The following GTF2I variants were observed in gnomAD, a reference collection of about 807,000 sequenced individuals.
The protein encoded by GTF2I is general transcription factor II-I.
A neutral mutation model predicts 67.6 loss-of-function variants in GTF2I; 12 were observed. The ratio of observed to expected loss-of-function variants is 0.18; its 90% CI spans 0.11 to 0.29. The LOEUF (loss-of-function observed/expected upper bound fraction) is 0.29. Ranked by LOEUF, GTF2I falls within the 10% of genes least tolerant of loss-of-function variation. The pLI is 1.00. For missense variants in GTF2I, 271 were observed against 580.1 expected, an observed-to-expected ratio of 0.47 and a Z score of 5.47; for synonymous variants, 149 against 197.0, an observed-to-expected ratio of 0.76 and a Z score of 2.04.
chr7:74,694,329 G>A (rs782159777), intron 3 of GTF2I, among the ~76,000 whole-genome samples: 1 of 152,214 alleles, frequency 6.6e-6, no homozygotes, highest in Non-Finnish European at 1.5e-5. Flanking sequence ...GCTCACGCCT[G>A]TAATCCCAGC....
At chr7:74,697,263 C>T (rs587662215) in intron 3 of GTF2I, among the ~76,000 whole-genome samples, 103 of 151,882 alleles carry the variant, frequency 6.8e-4, no homozygotes, top group African/African-American at 2.4e-3. Flanking sequence ...GGAGTGGTGG[C>T]GCGCACCTGT....
Position 74,698,978 on chromosome 7 carries a change from A to G in GTF2I, c.256A>G (p.Lys86Glu). ...FVKYCVEEEE[K>E]AAEMHKMKST... ...TTTTACAGGTGTTGAAGAAGAAGAAAAAGCTGCAGAGATGCATAAAATGAA... is the reference window on the plus strand; with the variant it reads ...TTTTACAGGTGTTGAAGAAGAAGAAGAAGCTGCAGAGATGCATAAAATGAA... Residue 86 changes from lysine (K) to glutamate (E), a missense_variant, in exon 4 of 35, where the codon AAA becomes GAA. Lys to Glu is a moderately conservative substitution (Grantham distance 56, BLOSUM62 1). This residue lies in a region of GTF2I where 72 missense variants were observed against 87.4 expected (regional missense o/e 0.82). Transcript: ENST00000573035. 1 of 1,411,364 alleles carries G rather than the reference A, an allele frequency of 7.1e-7. No homozygotes were observed. The highest frequency in any genetic ancestry group is 9.4e-7 in the Non-Finnish European group (1 of 1,064,952). The allele number at this position is 1,411,364 out of a possible 1,614,324, so 87.4% of individuals were successfully genotyped here. A position where few individuals can be genotyped will look rare whatever the true frequency, so the allele number is the denominator to read the frequency against.
chr7:74,689,643 T>C (rs1474152855), intron 2 of GTF2I, among the ~76,000 whole-genome samples: 1 of 151,820 alleles, frequency 6.6e-6, no homozygotes, highest in African/African-American at 2.4e-5. Context: ...TGTGAACCAC[T>C]GCCCCAACCA....
intron 6 of GTF2I, among the ~76,000 whole-genome samples, chr7:74,704,855 T>TAAAAAA (rs35715710): frequency 1.3e-5 from 1 of 76,958 alleles, no homozygotes; most frequent in Non-Finnish European, 2.3e-5. Context: ...ACCCTGTTTC[T>TAAAAAA]AAAAAAAAAA....
At chr7:74,676,937 T>C (rs1393909933) in intron 1 of GTF2I, among the ~76,000 whole-genome samples, 3 of 152,170 alleles carry the variant, frequency 2.0e-5, no homozygotes, top group South Asian at 2.1e-4. Context: ...CAGGTGCCTG[T>C]AATCCCAGCT....
intron 6 of GTF2I, among the ~76,000 whole-genome samples, chr7:74,704,284 A>ATTTT (rs1790281503): frequency 6.7e-6 from 1 of 149,182 alleles, no homozygotes; most frequent in African/African-American, 2.5e-5. Flanking sequence ...TTATTTATTT[A>ATTTT]TTTATTTATT....
intron 1 of GTF2I, among the ~76,000 whole-genome samples, chr7:74,677,781 CAA>C (rs67938540): frequency 5.5e-5 from 4 of 72,148 alleles, no homozygotes; most frequent in Non-Finnish European, 7.2e-5. Context: ...GATTCTGTCT[CAA>C]AAAAAAAAAA....
intron 1 of GTF2I, among the ~76,000 whole-genome samples, chr7:74,659,621 C>G (rs1328827289): frequency 6.6e-6 from 1 of 152,076 alleles, no homozygotes; most frequent in Non-Finnish European, 1.5e-5. Flanking sequence ...ACTCTTGAAT[C>G]AAGCTGAAAG....
In GTF2I at chr7:74,710,324, ATTTCTT is replaced by A. The variant is rs1791371641; in HGVS notation, c.686-698_686-693del. ...GTGTATGTGCACCCATGCATTGTTC[ATTTCTT>A]TTTCTTTTTTTTTGAGAGGGAGTCT... is the stretch of plus-strand genomic sequence containing the variant. On this transcript the variant is annotated intron_variant, in intron 8 of 34. Transcript: ENST00000573035. Among the ~76,000 whole-genome samples, 5 of 151,528 alleles carry A rather than the reference ATTTCTT, an allele frequency of 3.3e-5. No homozygotes were observed. In the South Asian group the frequency reaches 8.3e-4, roughly 25 times the overall value.
chr7:74,722,505 C>G (rs1328050043), intron 12 of GTF2I, among the ~76,000 whole-genome samples: 1 of 152,138 alleles, frequency 6.6e-6, no homozygotes, highest in Non-Finnish European at 1.5e-5. Context: ...TTGCGCAGTT[C>G]TCTCTTAGGG....
intron 1 of GTF2I, among the ~76,000 whole-genome samples, chr7:74,675,347 G>A (rs1353684405): frequency 2.0e-5 from 3 of 152,126 alleles, no homozygotes; most frequent in Non-Finnish European, 2.9e-5. Flanking sequence ...TGGGTGGGAC[G>A]TGGTGTTTGT....
chr7:74,679,089 A>C (rs587623531), intron 1 of GTF2I, among the ~76,000 whole-genome samples: 8 of 134,946 alleles, frequency 5.9e-5, no homozygotes, highest in African/African-American at 2.0e-4. Flanking sequence ...AAAATTTTTT[A>C]ATTTTTTGAG....
intron 9 of GTF2I, among the ~76,000 whole-genome samples, chr7:74,713,800 TTTC>T (rs1214988903): frequency 1.2e-4 from 18 of 152,140 alleles, no homozygotes; most frequent in Non-Finnish European, 2.4e-4. Flanking sequence ...ACATCTTCCT[TTTC>T]TTGAGCTCTG....
intron 1 of GTF2I, among the ~76,000 whole-genome samples, chr7:74,673,930 C>T (rs199666433): frequency 2.0e-5 from 3 of 151,966 alleles, no homozygotes; most frequent in African/African-American, 4.8e-5. Flanking sequence ...CTGCCCACCT[C>T]GGCCTCCCAA....
chr7:74,732,357 C>T (rs1180120944), intron 14 of GTF2I, 122 bp from the exon 15 acceptor site: 3 of 1,208,948 alleles, frequency 2.5e-6, no homozygotes, highest in Non-Finnish European at 2.2e-6. Flanking sequence ...CTGGGAGACA[C>T]AGCAAGACTC....
intron 1 of GTF2I, among the ~76,000 whole-genome samples, chr7:74,679,382 A>AT (rs587710012): frequency 1.8e-4 from 27 of 149,254 alleles, no homozygotes; most frequent in African/African-American, 5.4e-4. Context: ...TTTTCCATTT[A>AT]TTTTTTTTTT....
intron 2 of GTF2I, 102 bp from the exon 3 acceptor site, chr7:74,690,871 G>A: frequency 9.3e-7 from 1 of 1,080,356 alleles, no homozygotes; most frequent in South Asian, 1.4e-5. Context: ...TCTTGAAAGA[G>A]AAGTACCTTT....
chr7:74,693,424 G>A (rs1554397558), intron 3 of GTF2I, among the ~76,000 whole-genome samples: 1 of 151,650 alleles, frequency 6.6e-6, no homozygotes, highest in Non-Finnish European at 1.5e-5. Flanking sequence ...ATTGTACTGG[G>A]AGTCCTCGAA....
At position 74,684,856 on chromosome 7, in the gene GTF2I, G is replaced by C. The variant is rs183148551; in HGVS notation, c.-5-4268G>C. Reference sequence around the variant, plus strand: ...TGAGTGTGATTGTTACCAGTGGAGGGTGTCCAATGGAAGAAGCACCAAAAG... The same window carrying C: ...TGAGTGTGATTGTTACCAGTGGAGGCTGTCCAATGGAAGAAGCACCAAAAG... On this transcript the variant is annotated intron_variant, in intron 1 of 34. Transcript: ENST00000573035. The C allele has an allele frequency of 4.7e-3, 719 of 152,370 alleles. 5 individuals are homozygous for C. The highest frequency in any genetic ancestry group is 6.8e-3 in the Non-Finnish European group (463 of 68,050). 9.4% of individuals were successfully genotyped at this position (152,370 alleles called of 1,614,324 possible). A position where few individuals can be genotyped will look rare whatever the true frequency, so the allele number is the denominator to read the frequency against.
Sources: gnomAD v4.1 joint callset for allele counts (sites outside exome capture counted in the v4.1 genomes callset) on GRCh38, gnomAD v4.1.1 for gene constraint, gnomAD v4.1.1 regional missense constraint, MANE v1.5 for transcripts, NCBI Gene and HGNC (gene_info 2026-07-23, HGNC 2026-07-21) for gene names.